The following TSPAN9 variants were observed in gnomAD, a reference collection of about 807,000 sequenced individuals.
The protein encoded by TSPAN9 is tetraspanin-9.
TSPAN9 carries 16 observed loss-of-function variants against 31.0 expected under a neutral mutation model. That is an observed-to-expected ratio of 0.52 (90% CI 0.35 to 0.78). TSPAN9 has a LOEUF of 0.78. Among genes scored for constraint, TSPAN9 ranks in the 30% least tolerant of loss-of-function variants. TSPAN9 has a pLI of 0.01. For missense variants in TSPAN9, 272 were observed against 312.5 expected (o/e 0.87, Z 0.98); for synonymous variants, 145 against 121.6 (o/e 1.19, Z -1.27).
At chr12:3,146,228 C>T (rs1028602288) in intron 2 of TSPAN9, among the ~76,000 whole-genome samples, 1 of 152,160 alleles carries the variant, frequency 6.6e-6, no homozygotes, top group Non-Finnish European at 1.5e-5. Context: ...TGGTCAATGG[C>T]AAAGGGGCAG....
intron 3 of TSPAN9, among the ~76,000 whole-genome samples, chr12:3,237,165 T>A (rs935148716): frequency 1.3e-5 from 2 of 152,174 alleles, no homozygotes; most frequent in African/African-American, 4.8e-5. Context: ...AGAAGGCTCA[T>A]CCCAAATTTG....
intron 2 of TSPAN9, among the ~76,000 whole-genome samples, chr12:3,108,333 G>C (rs1030385427): frequency 6.6e-6 from 1 of 152,190 alleles, no homozygotes; most frequent in Admixed American, 6.5e-5. Context: ...CTTGGTATAG[G>C]ATCTCAGCTA....
At chr12:3,218,857 TTC>T (rs2098382772) in intron 3 of TSPAN9, among the ~76,000 whole-genome samples, 2 of 152,142 alleles carry the variant, frequency 1.3e-5, no homozygotes, top group African/African-American at 4.8e-5. Flanking sequence ...AACCTGATAT[TTC>T]TCTTTTTCCT....
chr12:3,134,106 T>C (rs780349957), intron 2 of TSPAN9, among the ~76,000 whole-genome samples: 10 of 152,156 alleles, frequency 6.6e-5, no homozygotes, highest in Non-Finnish European at 1.3e-4. Context: ...GCTTCCTGTG[T>C]CAGCTCAGCA....
At chr12:3,167,027 C>A (rs1350011802) in intron 2 of TSPAN9, among the ~76,000 whole-genome samples, 2 of 152,028 alleles carry the variant, frequency 1.3e-5, no homozygotes, top group Non-Finnish European at 2.9e-5. Context: ...GGACTCCTGA[C>A]CTCAGGTGAT....
intron 3 of TSPAN9, among the ~76,000 whole-genome samples, chr12:3,253,043 C>G (rs1490582241): frequency 1.4e-5 from 2 of 139,932 alleles, no homozygotes; most frequent in Non-Finnish European, 3.3e-5. Flanking sequence ...CCTGTTTACT[C>G]TCTCCCACCT....
chr12:3,184,055 C>T (rs538587352), intron 2 of TSPAN9, among the ~76,000 whole-genome samples: 1 of 152,174 alleles, frequency 6.6e-6, no homozygotes, highest in Admixed American at 6.5e-5. Flanking sequence ...GAGAAGTAGA[C>T]CAAATGATCT....
At chr12:3,149,585 A>G (rs2098338884) in intron 2 of TSPAN9, among the ~76,000 whole-genome samples, 1 of 152,226 alleles carries the variant, frequency 6.6e-6, no homozygotes, top group African/African-American at 2.4e-5. Context: ...ATCATGGTGT[A>G]AAGAGTTGAT....
intron 2 of TSPAN9, among the ~76,000 whole-genome samples, chr12:3,096,065 G>A (rs1213136161): frequency 4.6e-5 from 7 of 152,070 alleles, no homozygotes; most frequent in Non-Finnish European, 8.8e-5. Context: ...CCGGCGCGGC[G>A]GCAAAGACTG....
rs1216116387 is a variant in TSPAN9 at position 3,285,315 on chromosome 12, T to G, written c.*2199T>G. 3 of 152,152 alleles carry G rather than the reference T, an allele frequency of 2.0e-5. No homozygotes were observed. The highest frequency in any genetic ancestry group is 4.4e-5 in the Non-Finnish European group (3 of 68,036). The allele number at this position is 152,152 out of a possible 1,614,324, so 9.4% of individuals were successfully genotyped here. A position where few individuals can be genotyped will look rare whatever the true frequency, so the allele number is the denominator to read the frequency against. ...ATGCCTATCAATGCAATTTTTAATT[T>G]TTGTTAATATCAACAGCAAAAGCCT... On this transcript the variant is annotated 3_prime_UTR_variant, in exon 9 of 9. Coordinates refer to ENST00000011898, the MANE Select transcript of TSPAN9 (RefSeq NM_006675.5).
chr12:3,271,647 G>A (rs926686843), intron 3 of TSPAN9, among the ~76,000 whole-genome samples: 4 of 152,088 alleles, frequency 2.6e-5, no homozygotes, highest in Non-Finnish European at 5.9e-5. Flanking sequence ...CCAAGGTGCT[G>A]TGGTCCTCCT....
At chr12:3,169,664 A>G (rs550209495) in intron 2 of TSPAN9, among the ~76,000 whole-genome samples, 117 of 152,364 alleles carry the variant, frequency 7.7e-4, no homozygotes, top group African/African-American at 2.8e-3. Context: ...CACAGCTAGA[A>G]AAGGCCTAGA....
At chr12:3,237,636 T>TGGGCTGGAATCGAAAACCTGATTG (rs1323617367) in intron 3 of TSPAN9, among the ~76,000 whole-genome samples, 1 of 152,216 alleles carries the variant, frequency 6.6e-6, no homozygotes, top group Non-Finnish European at 1.5e-5. Context: ...CCCTCCCGGT[T>TGGGCTGGAATCGAAAACCTGATTG]GGGCTGGAAT....
At chr12:3,091,110 A>G (rs2098304308) in intron 2 of TSPAN9, among the ~76,000 whole-genome samples, 1 of 152,192 alleles carries the variant, frequency 6.6e-6, no homozygotes, top group South Asian at 2.1e-4. Flanking sequence ...TTTTCATGGC[A>G]TCTCTGAAAA....
intron 3 of TSPAN9, among the ~76,000 whole-genome samples, chr12:3,225,013 G>A (rs1289546259): frequency 6.6e-6 from 1 of 152,214 alleles, no homozygotes. Flanking sequence ...TGTGCAGCTG[G>A]TGGTGGGCAC....
chr12:3,149,470 A>G (rs1026203772), intron 2 of TSPAN9, among the ~76,000 whole-genome samples: 7 of 152,228 alleles, frequency 4.6e-5, no homozygotes, highest in African/African-American at 1.7e-4. Flanking sequence ...GAAGCTAAAG[A>G]GAGATGCAAA....
At chr12:3,157,200 C>T (rs1296401418) in intron 2 of TSPAN9, among the ~76,000 whole-genome samples, 2 of 151,550 alleles carry the variant, frequency 1.3e-5, no homozygotes, top group East Asian at 2.0e-4. Context: ...CCTGGGTTCA[C>T]GCCATTCTCC....
At chr12:3,256,438 G>C (rs951063280) in intron 3 of TSPAN9, among the ~76,000 whole-genome samples, 2 of 152,228 alleles carry the variant, frequency 1.3e-5, no homozygotes, top group African/African-American at 4.8e-5. Flanking sequence ...GCCTGGCGCC[G>C]GGCACCACAT....
At position 3,172,729 on chromosome 12, in the gene TSPAN9, T is replaced by C. The variant is rs1326297203; in HGVS notation, c.-17-28448T>C. On this transcript the variant is annotated intron_variant, in intron 2 of 8. Transcript: ENST00000011898. The surrounding 1 kb of genome is among the most constrained non-coding windows in gnomAD (Gnocchi z 4.8). ...TCTTGTACTAGATCCATCAGCAATG[T>C]CGCTTAGCGAGGCTTTCTTCAGCTT... 4 of 152,268 alleles carry C rather than the reference T, an allele frequency of 2.6e-5. No individual in the cohort carries two copies. Among genetic ancestry groups the C allele is most frequent in the Admixed American group, 2.6e-4 (4 of 15,286 alleles). 9.4% of individuals were successfully genotyped at this position (152,268 alleles called of 1,614,324 possible).
Sources: gnomAD v4.1 joint callset for allele counts (sites outside exome capture counted in the v4.1 genomes callset) on GRCh38, gnomAD v4.1.1 for gene constraint, Gnocchi (gnomAD v3.1) non-coding constraint, MANE v1.5 for transcripts, NCBI Gene and HGNC (gene_info 2026-07-23, HGNC 2026-07-21) for gene names.